NOTCH1: variants seen among roughly 807,000 people sequenced by gnomAD.
NOTCH1 encodes the protein notch receptor 1.
Under a neutral mutation model 254.8 loss-of-function variants are expected in NOTCH1, and 37 were observed. The observed-to-expected ratio is 0.15, with a 90% CI of 0.11 to 0.19. The LOEUF is 0.19. NOTCH1 is among the 10% of genes least tolerant of loss of function. The probability of loss-of-function intolerance (pLI) is 1.00; values close to 1 mark genes in which losing one functional copy is unlikely to be tolerated. For synonymous variants in NOTCH1, 1,731 were observed against 1,618.1 expected (o/e 1.07, Z -1.68); for missense variants, 2,972 against 3,708.6 (o/e 0.80, Z 5.16).
chr9:136,523,140 T>C lies in NOTCH1; in HGVS notation c.452A>G (p.Asn151Ser), dbSNP rs766362765. The C allele has an allele frequency of 3.0e-5, 48 of 1,606,184 alleles. No individual in the cohort carries two copies. Among genetic ancestry groups the C allele is most frequent in the Non-Finnish European group, 4.0e-5 (47 of 1,177,372 alleles). The change falls in exon 4 of 34, where the codon AAC (asparagine) becomes AGC (serine). Residue 151 changes from asparagine (N) to serine (S), a missense_variant. This residue lies in a region of NOTCH1 where 374 missense variants were observed against 496.3 expected (regional missense o/e 0.75). Transcript: ENST00000651671. ...ADPCASNPCA[N>S]GGQCLPFEAS... ...CTCGAAGGGCAGGCACTGGCCACCG[T>C]TGGCGCAGGGGTTGGAGGCGCACGG...
intron 8 of NOTCH1, 135 bp from the exon 9 acceptor site, chr9:136,517,520 C>A: frequency 6.1e-6 from 5 of 820,724 alleles, no homozygotes; most frequent in Middle Eastern, 2.8e-4. Context: ...TGCGCACCCG[C>A]TCCCCTGCAG....
In NOTCH1 at chr9:136,505,302, A is replaced by G. The variant is rs770753144; in HGVS notation, c.4586+8T>C. On this transcript the variant is annotated splice_region_variant and intron_variant, in intron 25 of 33. Coordinates refer to ENST00000651671, the MANE Select transcript of NOTCH1 (RefSeq NM_017617.5). ...CCTCCCTCAGCCCCATGAGCCCCGC[A>G]GCCTTACTTGCACTGGCCTTCCGCA... 2 of 1,563,528 alleles carry G rather than the reference A, an allele frequency of 1.3e-6. No individual in the cohort carries two copies. Among genetic ancestry groups the G allele is most frequent in the South Asian group, 2.3e-5 (2 of 85,846 alleles).
chr9:136,515,816 C>T, intron 10 of NOTCH1, 100 bp from the exon 11 acceptor site: 2 of 1,262,170 alleles, frequency 1.6e-6, no homozygotes, highest in South Asian at 1.3e-5. Context: ...CTGAGGAGGG[C>T]TCCGAGCGTG....
intron 30 of NOTCH1, among the ~76,000 whole-genome samples, chr9:136,501,162 C>A (rs893737809): frequency 6.6e-6 from 1 of 152,188 alleles, no homozygotes; most frequent in Non-Finnish European, 1.5e-5. Flanking sequence ...CAGCAGGATG[C>A]GGAGGCTCAC....
intron 2 of NOTCH1, 186 bp downstream of exon 2, chr9:136,543,837 AC>A: frequency 1.5e-6 from 1 of 686,038 alleles, no homozygotes; most frequent in Non-Finnish European, 2.6e-6. Flanking sequence ...CCAGCTCCAC[AC>A]GCAGCATAAT....
chr9:136,506,270 A>C lies in NOTCH1; in HGVS notation c.4014+257T>G, dbSNP rs771825942. ...ATCACTGAAATCCAGAGTGAAATTG[A>C]TGCAAGCTGCTAACCAGGGGAACTG... On this transcript the variant is annotated intron_variant, in intron 24 of 33. Coordinates refer to ENST00000651671, the MANE Select transcript of NOTCH1 (RefSeq NM_017617.5). This position sits in a 1 kb window ranked among gnomAD's most constrained non-coding sequence, Gnocchi z 4.5. Among the ~76,000 whole-genome samples, 4 of 152,102 alleles carry C rather than the reference A, an allele frequency of 2.6e-5. No homozygotes were observed. Among genetic ancestry groups the C allele is most frequent in the Admixed American group, 1.3e-4 (2 of 15,278 alleles).
At chr9:136,544,201 G>A in intron 1 of NOTCH1, 99 bp from the exon 2 acceptor site, 1 of 1,111,524 alleles carries the variant, frequency 9.0e-7, no homozygotes, top group South Asian at 1.3e-5. Context: ...CAGCCAAGGG[G>A]CATCGTCCGC....
chr9:136,501,231 C>T (rs1448257639), intron 30 of NOTCH1, among the ~76,000 whole-genome samples: 18 of 152,064 alleles, frequency 1.2e-4, no homozygotes, highest in Admixed American at 1.0e-3. Context: ...GTCAGGAGTT[C>T]GAGACCAGCC....
rs550292549 is a variant in NOTCH1 at position 136,519,041 on chromosome 9, A to C, written c.866-217T>G. The stretch of plus-strand genomic sequence containing the variant: ...TGTGGACACTGCTGCGTCGGGGTGC[A>C]CCTTTGCCCGTCACCCCACCAGAGG... On this transcript the variant is annotated intron_variant, in intron 5 of 33. Transcript: ENST00000651671. Among the ~76,000 whole-genome samples, 46 of 152,182 alleles carry C rather than the reference A, an allele frequency of 3.0e-4. 1 individual carries two copies. The highest frequency in any genetic ancestry group is 1.1e-3 in the African/African-American group (46 of 41,514).
intron 8 of NOTCH1, 113 bp from the exon 9 acceptor site, chr9:136,517,498 C>A (rs1589067871): frequency 1.2e-6 from 1 of 869,424 alleles, no homozygotes; most frequent in Non-Finnish European, 1.8e-6. Context: ...GTCCCAGCCA[C>A]CACGGGCCCC....
chr9:136,510,693 A>C lies in NOTCH1; in HGVS notation c.2700T>G (p.Ser900Arg), dbSNP rs1322208657. 1 of 1,610,016 alleles carries C rather than the reference A, an allele frequency of 6.2e-7. No individual in the cohort carries two copies. The highest frequency in any genetic ancestry group is 8.5e-7 in the Non-Finnish European group (1 of 1,179,714). ...CGATGTCGGTCTCGCAGTTGCGCCC[A>C]CTGTAGCCGGCCTGGCAGTGGCAGC... ...GYRCHCQAGYSGRNCETDIDD... is the reference protein window; with the variant it reads ...GYRCHCQAGYRGRNCETDIDD... The change falls in exon 17 of 34, where the codon AGT becomes AGG. Residue 900 changes from serine (S) to arginine (R), a missense_variant. Ser to Arg is a moderately radical substitution (Grantham distance 110). Coordinates refer to ENST00000651671, the MANE Select transcript of NOTCH1 (RefSeq NM_017617.5).
chr9:136,510,509 A>T (rs1042013871), intron 17 of NOTCH1, 144 bp downstream of exon 17: 1 of 1,112,684 alleles, frequency 9.0e-7, no homozygotes, highest in African/African-American at 1.5e-5. Flanking sequence ...CCCTCAGCAC[A>T]TCCCCCACAC....
chr9:136,496,844 C>T lies in NOTCH1; in HGVS notation c.6895G>A (p.Gly2299Ser), dbSNP rs1020747496. Residue 2299 changes from glycine to serine, a missense_variant, in exon 34 of 34, where the codon GGC becomes AGC. This residue lies in a region of NOTCH1 where 529 missense variants were observed against 529.2 expected (regional missense o/e 1.00). Coordinates refer to ENST00000651671, the MANE Select transcript of NOTCH1 (RefSeq NM_017617.5). ...SSGGALNFTVGGSTSLNGQCE... is the reference protein window; with the variant it reads ...SSGGALNFTVSGSTSLNGQCE... ...TGACCATTCAAACTGGTGGACCCGC[C>T]CACAGTGAAATTCAGGGCCCCTCCG... The T allele has an allele frequency of 4.3e-6, 7 of 1,612,838 alleles. No homozygotes were observed. The highest frequency in any genetic ancestry group is 5.9e-6 in the Non-Finnish European group (7 of 1,180,018).
At chr9:136,533,949 C>T (rs529206547) in intron 2 of NOTCH1, among the ~76,000 whole-genome samples, 5 of 152,228 alleles carry the variant, frequency 3.3e-5, no homozygotes, top group South Asian at 2.1e-4. Flanking sequence ...GCTCCCTGGG[C>T]GGGTGCCTGT....
chr9:136,506,855 G>A lies in NOTCH1; in HGVS notation c.3762C>T (p.Thr1254=), dbSNP rs1343765467. 6.2e-7 allele frequency: 1 copy of A among 1,612,078 alleles called. No individual in the cohort carries two copies. Among genetic ancestry groups the A allele is most frequent in the East Asian group, 2.2e-5 (1 of 44,826 alleles). ...CVDQVGGYSC[T]CPPGFVGERC... ...GCTCACCCACGAAGCCCGGCGGGCA[G>A]GTGCAGCTGTAGCCGCCCACCTGGT... The change falls in exon 23 of 34, where the codon ACC becomes ACT. Residue 1254 remains threonine (T), a synonymous_variant. Coordinates refer to ENST00000651671, the MANE Select transcript of NOTCH1 (RefSeq NM_017617.5). This position sits in a 1 kb window ranked among gnomAD's most constrained non-coding sequence, Gnocchi z 4.5.
At chr9:136,515,151 A>C (rs944818739) in intron 12 of NOTCH1, 139 bp downstream of exon 12, 2 of 770,390 alleles carry the variant, frequency 2.6e-6, no homozygotes, top group Non-Finnish European at 4.5e-6. Flanking sequence ...GTCCCGCTGC[A>C]ATCTCTGCTG....
intron 2 of NOTCH1, among the ~76,000 whole-genome samples, chr9:136,539,578 G>A (rs1052639832): frequency 7.9e-5 from 12 of 152,084 alleles, no homozygotes; most frequent in South Asian, 2.1e-4. Context: ...TAGTAGAGAC[G>A]GGGGTTTCGC....
chr9:136,494,872 C>G lies in NOTCH1; in HGVS notation c.*1199G>C. The G allele has an allele frequency of 2.5e-6, 1 of 398,682 alleles. No individual in the cohort carries two copies. The allele number at this position is 398,682 out of a possible 1,614,324, so 24.7% of individuals were successfully genotyped here. A position where few individuals can be genotyped will look rare whatever the true frequency, so the allele number is the denominator to read the frequency against. On this transcript the variant is annotated 3_prime_UTR_variant, in exon 34 of 34. Transcript: ENST00000651671. ...TTGGTATTGCAAAAATCTGCTCCTC[C>G]CAAACTAGGAGGGGTGGCCCAAGGG...
rs762050048 is a variant in NOTCH1 at position 136,510,779 on chromosome 9, C to T, written c.2614G>A (p.Glu872Lys). 6.2e-6 allele frequency: 10 copies of T among 1,609,970 alleles called. No homozygotes were observed. Among genetic ancestry groups the T allele is most frequent in the Non-Finnish European group, 7.6e-6 (9 of 1,179,870 alleles). The change falls in exon 17 of 34, where the codon GAG (glutamate) becomes AAG (lysine). Residue 872 changes from glutamate to lysine, a missense_variant. By Grantham distance (56) the Glu-to-Lys change is moderately conservative. This residue lies in a region of NOTCH1 where 1,343 missense variants were observed against 1,557.0 expected (regional missense o/e 0.86). Transcript: ENST00000651671. ...QGQTCEVDIN[E>K]CVLSPCRHGA... ...TGCCGGCACGGGCTCAGAACGCACT[C>T]GTTGATGTCGACCTCACAGGTCTGC...
Sources: allele counts gnomAD v4.1 joint callset (sites outside exome capture counted in the v4.1 genomes callset), GRCh38; gene constraint gnomAD v4.1.1; regional missense constraint gnomAD v4.1.1; non-coding constraint Gnocchi (gnomAD v3.1); transcripts MANE v1.5; gene names NCBI Gene and HGNC (gene_info 2026-07-23, HGNC 2026-07-21).